SPHKAP: variants seen among roughly 807,000 people sequenced by gnomAD.
The protein encoded by SPHKAP is A-kinase anchor protein SPHKAP.
A neutral mutation model predicts 137.5 loss-of-function variants in SPHKAP; 67 were observed. That is an observed-to-expected ratio of 0.49 (90% CI 0.40 to 0.60). The LOEUF (loss-of-function observed/expected upper bound fraction) is 0.60. Among genes scored for constraint, SPHKAP ranks in the 20% least tolerant of loss-of-function variants. The pLI is 0.00. For synonymous variants in SPHKAP, 813 were observed against 785.3 expected (o/e 1.04, Z -0.59); for missense variants, 2,097 against 2,069.3 (o/e 1.01, Z -0.26).
At chr2:228,087,746 C>T (rs1010685999) in intron 3 of SPHKAP, among the ~76,000 whole-genome samples, 1 of 151,970 alleles carries the variant, frequency 6.6e-6, no homozygotes, top group South Asian at 2.1e-4. Context: ...CAGGGATATG[C>T]AACCTGTAAA....
intron 3 of SPHKAP, among the ~76,000 whole-genome samples, chr2:228,080,251 T>C (rs183002994): frequency 5.3e-5 from 8 of 152,220 alleles, no homozygotes; most frequent in Admixed American, 3.9e-4. Context: ...ACCCAAAATA[T>C]ATAAAGAACT....
At chr2:228,125,384 A>G (rs776482875) in intron 2 of SPHKAP, among the ~76,000 whole-genome samples, 4 of 152,230 alleles carry the variant, frequency 2.6e-5, no homozygotes, top group African/African-American at 4.8e-5. Context: ...TTAAATAAAG[A>G]TTTCCCTTGT....
chr2:228,036,931 C>T (rs1695637386), intron 3 of SPHKAP, among the ~76,000 whole-genome samples: 2 of 151,820 alleles, frequency 1.3e-5, no homozygotes, highest in African/African-American at 4.8e-5. Flanking sequence ...ATACCTAATG[C>T]TAAGTGACGA....
intron 3 of SPHKAP, among the ~76,000 whole-genome samples, chr2:228,072,111 A>G (rs145758869): frequency 3.3e-5 from 5 of 152,208 alleles, no homozygotes; most frequent in African/African-American, 9.6e-5. Context: ...TCTGACTGAA[A>G]CCGAAGAGAT....
chr2:228,077,465 C>T (rs1259340435), intron 3 of SPHKAP, among the ~76,000 whole-genome samples: 4 of 152,176 alleles, frequency 2.6e-5, no homozygotes, highest in African/African-American at 7.2e-5. Flanking sequence ...TCAGTGTGAC[C>T]TGGATGTGAG....
chr2:228,097,168 C>T (rs1698012432), intron 3 of SPHKAP, among the ~76,000 whole-genome samples: 3 of 152,092 alleles, frequency 2.0e-5, no homozygotes, highest in African/African-American at 7.2e-5. Flanking sequence ...TCTTGATTGA[C>T]AGGCTTTCCT....
intron 3 of SPHKAP, among the ~76,000 whole-genome samples, chr2:228,084,432 A>G (rs1697475309): frequency 6.6e-6 from 1 of 152,194 alleles, no homozygotes; most frequent in Non-Finnish European, 1.5e-5. Context: ...CAAACTAAGA[A>G]AATAGATCCA....
intron 3 of SPHKAP, among the ~76,000 whole-genome samples, chr2:228,055,170 A>G (rs145521371): frequency 2.0e-4 from 29 of 145,584 alleles, no homozygotes; most frequent in African/African-American, 6.8e-4. Context: ...GTGGTTTGAA[A>G]GATTGTAGGA....
chr2:228,065,280 C>T (rs1696788690), intron 3 of SPHKAP, among the ~76,000 whole-genome samples: 1 of 152,174 alleles, frequency 6.6e-6, no homozygotes, highest in African/African-American at 2.4e-5. Flanking sequence ...CATGAAACAG[C>T]CACAGACTAG....
intron 7 of SPHKAP, among the ~76,000 whole-genome samples, chr2:228,001,838 C>T (rs1418079274): frequency 1.3e-5 from 2 of 151,908 alleles, no homozygotes; most frequent in Admixed American, 6.6e-5. Context: ...TTTTTCCTTG[C>T]AATAGTTTGC....
chr2:227,983,541 T>C (rs1030127619), intron 11 of SPHKAP, among the ~76,000 whole-genome samples: 3 of 152,154 alleles, frequency 2.0e-5, no homozygotes, highest in Non-Finnish European at 2.9e-5. Flanking sequence ...TGCCTGCACA[T>C]AGTAGGTGCT....
chr2:228,050,364 A>G (rs1469783935), intron 3 of SPHKAP, among the ~76,000 whole-genome samples: 1 of 152,228 alleles, frequency 6.6e-6, no homozygotes, highest in East Asian at 1.9e-4. Context: ...TCATTCTGCC[A>G]CAAAGACACA....
At chr2:228,124,143 C>A (rs939325743) in intron 2 of SPHKAP, among the ~76,000 whole-genome samples, 3 of 152,070 alleles carry the variant, frequency 2.0e-5, no homozygotes, top group Non-Finnish European at 2.9e-5. Context: ...ATGGGACTGT[C>A]AACTAGTTCA....
At chr2:228,133,830 T>TA (rs1373201351) in intron 1 of SPHKAP, among the ~76,000 whole-genome samples, 2 of 152,340 alleles carry the variant, frequency 1.3e-5, no homozygotes, top group African/African-American at 4.8e-5. Flanking sequence ...AATGACATTT[T>TA]AAAAAATGAC....
At chr2:228,029,054 A>G (rs927584939) in intron 3 of SPHKAP, among the ~76,000 whole-genome samples, 3 of 152,220 alleles carry the variant, frequency 2.0e-5, no homozygotes, top group African/African-American at 7.2e-5. Context: ...CTGTCAAGCC[A>G]CAGGGAATAA....
chr2:228,160,142 C>A (rs924834387), intron 1 of SPHKAP, among the ~76,000 whole-genome samples: 1 of 152,146 alleles, frequency 6.6e-6, no homozygotes, highest in Non-Finnish European at 1.5e-5. Context: ...AGAATTGATG[C>A]TGTCAGTGGA....
intron 3 of SPHKAP, among the ~76,000 whole-genome samples, chr2:228,045,385 T>G (rs1490385162): frequency 3.1e-5 from 3 of 97,438 alleles, no homozygotes; most frequent in Non-Finnish European, 6.3e-5. Flanking sequence ...TAAGAAAATG[T>G]GGCACATGTA....
chr2:228,128,539 A>T (rs1288004589), intron 2 of SPHKAP, among the ~76,000 whole-genome samples: 2 of 152,116 alleles, frequency 1.3e-5, no homozygotes, highest in Non-Finnish European at 2.9e-5. Flanking sequence ...ATGAACCATA[A>T]ATGTTCTTAA....
rs147212492 is a variant in SPHKAP, at chr2:228,074,152, T to C, written c.246+34680A>G. Among the ~76,000 whole-genome samples the C allele has an allele frequency of 6.8e-3, 1,032 of 152,360 alleles. 9 individuals carry two copies. Among genetic ancestry groups the C allele is most frequent in the Non-Finnish European group, 9.7e-3 (663 of 68,040 alleles). ...GCATTAAGGCAGATTGTATTTTTGA[T>C]AATTTAAAAAGAAGTGTTTGCAATG... On this transcript the variant is annotated intron_variant, in intron 3 of 11. Coordinates refer to ENST00000392056, the MANE Select transcript of SPHKAP (RefSeq NM_001142644.2).
Sources: gnomAD v4.1 joint callset for allele counts (sites outside exome capture counted in the v4.1 genomes callset) on GRCh38, gnomAD v4.1.1 for gene constraint, MANE v1.5 for transcripts, NCBI Gene and HGNC (gene_info 2026-07-23, HGNC 2026-07-21) for gene names.